The following PMFBP1 variants were observed in gnomAD, a reference collection of about 807,000 sequenced individuals.
PMFBP1 encodes the protein polyamine-modulated factor 1-binding protein 1.
A neutral mutation model predicts 137.8 loss-of-function variants in PMFBP1; 131 were observed. The observed-to-expected ratio is 0.95, with a 90% CI of 0.82 to 1.10. The LOEUF (loss-of-function observed/expected upper bound fraction) is 1.10. Among genes scored for constraint, PMFBP1 ranks in the 50% least tolerant of loss-of-function variants. The pLI is 0.00. For synonymous variants in PMFBP1, 490 were observed against 450.4 expected, an observed-to-expected ratio of 1.09 and a Z score of -1.11; for missense variants, 1,199 against 1,175.4, an observed-to-expected ratio of 1.02 and a Z score of -0.29.
the PMFBP1 span, among the ~76,000 whole-genome samples, chr16:72,204,209 A>C: frequency 1.4e-5 from 2 of 144,030 alleles, no homozygotes; most frequent in African/African-American, 5.3e-5. Context: ...TTTTTTTGAG[A>C]CAGGGTCTTG....
upstream of PMFBP1, among the ~76,000 whole-genome samples, chr16:72,180,237 A>G (rs971387958): frequency 2.0e-5 from 3 of 152,202 alleles, no homozygotes; most frequent in African/African-American, 7.2e-5. Flanking sequence ...CTTCTGGTGC[A>G]TACTCTGGGC....
chr16:72,175,867 C>T (rs890213323), upstream of PMFBP1, among the ~76,000 whole-genome samples: 4 of 152,040 alleles, frequency 2.6e-5, no homozygotes, highest in African/African-American at 4.8e-5. Context: ...TGTGTGAGCC[C>T]CATGAACAGA....
chr16:72,153,112 C>T (rs1390810016), intron 4 of PMFBP1, among the ~76,000 whole-genome samples: 3 of 152,200 alleles, frequency 2.0e-5, no homozygotes, highest in Non-Finnish European at 2.9e-5. Flanking sequence ...TTTATCCAGG[C>T]TGGACCCTTT....
intron 3 of PMFBP1, among the ~76,000 whole-genome samples, chr16:72,161,956 T>A (rs1364083937): frequency 1.3e-5 from 2 of 152,248 alleles, no homozygotes; most frequent in Admixed American, 1.3e-4. Flanking sequence ...AGTTTTATGC[T>A]AAAAAGTGTC....
At chr16:72,149,123 A>G (rs1326090635) in intron 5 of PMFBP1, among the ~76,000 whole-genome samples, 2 of 152,178 alleles carry the variant, frequency 1.3e-5, no homozygotes, top group African/African-American at 4.8e-5. Flanking sequence ...CGTCCTGCAC[A>G]CTACTCTGTC....
At chr16:72,133,802 T>C (rs190301056) in intron 9 of PMFBP1, among the ~76,000 whole-genome samples, 1 of 152,170 alleles carries the variant, frequency 6.6e-6, no homozygotes. Context: ...CTGAAACTGG[T>C]GATCAGCAGA....
the PMFBP1 span, among the ~76,000 whole-genome samples, chr16:72,236,092 C>T: frequency 2.6e-5 from 4 of 152,218 alleles, 1 homozygote. Flanking sequence ...TGCATTTAGT[C>T]TTTCACCACT....
chr16:72,119,655 G>C (rs2042346836), intron 20 of PMFBP1, 196 bp downstream of exon 20: 1 of 1,446,616 alleles, frequency 6.9e-7, no homozygotes, highest in Admixed American at 2.8e-5. Flanking sequence ...GTATGCTTCA[G>C]ATGTTCTTAG....
At chr16:72,161,920 C>T (rs1191127919) in intron 3 of PMFBP1, among the ~76,000 whole-genome samples, 1 of 152,112 alleles carries the variant, frequency 6.6e-6, no homozygotes, top group Non-Finnish European at 1.5e-5. Context: ...TTACTTTTAT[C>T]CACAGGAATC....
chr16:72,227,339 A>G, the PMFBP1 span, among the ~76,000 whole-genome samples: 2 of 152,196 alleles, frequency 1.3e-5, no homozygotes, highest in Non-Finnish European at 2.9e-5. Context: ...GATGACAGCA[A>G]TTCACCTTGA....
chr16:72,143,303 T>TG (rs1181181446), intron 5 of PMFBP1, among the ~76,000 whole-genome samples: 1 of 152,218 alleles, frequency 6.6e-6, no homozygotes, highest in Non-Finnish European at 1.5e-5. Context: ...CTAGAGATGC[T>TG]GGTCAATACG....
At chr16:72,128,545 G>C (rs1255005183) in intron 14 of PMFBP1, 112 bp downstream of exon 14, 8 of 1,596,872 alleles carry the variant, frequency 5.0e-6, no homozygotes, top group Non-Finnish European at 6.8e-6. Flanking sequence ...AGGATCCGCA[G>C]TTGGCTGAGC....
chr16:72,195,610 T>C, the PMFBP1 span, among the ~76,000 whole-genome samples: 1 of 152,258 alleles, frequency 6.6e-6, no homozygotes, highest in Non-Finnish European at 1.5e-5. Flanking sequence ...CATTCCAAGC[T>C]AAGTGAAAAA....
chr16:72,151,671 A>G (rs1481024766), intron 4 of PMFBP1, among the ~76,000 whole-genome samples: 1 of 152,192 alleles, frequency 6.6e-6, no homozygotes, highest in Non-Finnish European at 1.5e-5. Context: ...GTCATTTGAG[A>G]TTCTTCTTAG....
chr16:72,176,251 G>C (rs2043259172), upstream of PMFBP1, among the ~76,000 whole-genome samples: 1 of 152,220 alleles, frequency 6.6e-6, no homozygotes, highest in South Asian at 2.1e-4. Context: ...TAGGGGCCAG[G>C]AGGAGCAGGA....
the PMFBP1 span, among the ~76,000 whole-genome samples, chr16:72,197,175 G>A: frequency 6.6e-6 from 1 of 152,168 alleles, no homozygotes; most frequent in South Asian, 2.1e-4. Flanking sequence ...TTAATAGCTA[G>A]GGAAAAAACC....
At chr16:72,206,949 G>C in the PMFBP1 span, among the ~76,000 whole-genome samples, 1 of 152,230 alleles carries the variant, frequency 6.6e-6, no homozygotes, top group South Asian at 2.1e-4. Flanking sequence ...TTATGTTTCA[G>C]AGTTGGAAGG....
At chr16:72,184,906 C>A in the PMFBP1 span, among the ~76,000 whole-genome samples, 1 of 152,206 alleles carries the variant, frequency 6.6e-6, no homozygotes, top group Non-Finnish European at 1.5e-5. Context: ...ACTCCTCCAA[C>A]AACTAGAGAT....
the PMFBP1 span, among the ~76,000 whole-genome samples, chr16:72,247,595 G>T: frequency 1.3e-5 from 2 of 152,174 alleles, no homozygotes; most frequent in African/African-American, 4.8e-5. Flanking sequence ...GTGACAAGGT[G>T]CAATGTGGCT....
Sources: gnomAD v4.1 joint callset for allele counts (sites outside exome capture counted in the v4.1 genomes callset) on GRCh38, gnomAD v4.1.1 for gene constraint, MANE v1.5 for transcripts, NCBI Gene and HGNC (gene_info 2026-07-23, HGNC 2026-07-21) for gene names.